The following FAM193B variants were observed in gnomAD, a reference collection of about 807,000 sequenced individuals.
FAM193B encodes the protein protein FAM193B.
FAM193B carries 27 observed loss-of-function variants against 70.7 expected under a neutral mutation model. That is an observed-to-expected ratio of 0.38 (90% CI 0.28 to 0.53). FAM193B has a LOEUF of 0.53. Among genes scored for constraint, FAM193B ranks in the 20% least tolerant of loss-of-function variants. The probability of loss-of-function intolerance (pLI) is 0.81; values close to 1 mark genes in which losing one functional copy is unlikely to be tolerated. For synonymous variants in FAM193B, 448 were observed against 436.0 expected (o/e 1.03, Z -0.34); for missense variants, 1,022 against 1,072.5 (o/e 0.95, Z 0.66).
intron 4 of FAM193B, among the ~76,000 whole-genome samples, chr5:177,535,062 C>G (rs1764015446): frequency 6.6e-6 from 1 of 152,180 alleles, no homozygotes; most frequent in Non-Finnish European, 1.5e-5. Context: ...CAAAAAACAC[C>G]TAAACAGCCT....
intron 5 of FAM193B, among the ~76,000 whole-genome samples, chr5:177,530,296 G>A (rs550227935): frequency 6.6e-6 from 1 of 152,310 alleles, no homozygotes; most frequent in East Asian, 1.9e-4. Context: ...CCACTTAGAT[G>A]TCTCACGGGA....
intron 1 of FAM193B, among the ~76,000 whole-genome samples, chr5:177,550,135 C>T (rs1321040184): frequency 6.6e-6 from 1 of 151,902 alleles, no homozygotes; most frequent in Non-Finnish European, 1.5e-5. Flanking sequence ...GGCAACATAG[C>T]AAGATCCTAT....
intron 1 of FAM193B, among the ~76,000 whole-genome samples, chr5:177,550,185 A>C (rs569405979): frequency 6.6e-6 from 1 of 152,252 alleles, no homozygotes; most frequent in East Asian, 1.9e-4. Context: ...TAAGTGGGTA[A>C]GTCTTCATTT....
intron 3 of FAM193B, among the ~76,000 whole-genome samples, chr5:177,537,660 G>A (rs1325322955): frequency 1.3e-5 from 2 of 152,198 alleles, no homozygotes; most frequent in African/African-American, 2.4e-5. Flanking sequence ...AGAGGCAAAC[G>A]TTTTTCTATT....
intron 4 of FAM193B, among the ~76,000 whole-genome samples, chr5:177,533,588 G>A (rs1485688175): frequency 6.6e-6 from 1 of 152,186 alleles, no homozygotes; most frequent in Non-Finnish European, 1.5e-5. Context: ...TTACAGGCGT[G>A]AGCCACTGCG....
chr5:177,548,743 T>C (rs1765790764), intron 1 of FAM193B, among the ~76,000 whole-genome samples: 1 of 152,180 alleles, frequency 6.6e-6, no homozygotes, highest in Non-Finnish European at 1.5e-5. Flanking sequence ...ATCACAGCTG[T>C]CTCTCCCACT....
intron 1 of FAM193B, chr5:177,553,994 G>C (rs2252447): frequency 6.3e-6 from 8 of 1,277,686 alleles, no homozygotes; most frequent in South Asian, 1.6e-5. Flanking sequence ...GTGTACGGCC[G>C]GAACGCCCGG....
Position 177,524,879 on chromosome 5 carries a change from C to T in FAM193B, c.1602G>A (p.Leu534=). 6.6e-7 allele frequency: 1 copy of T among 1,510,944 alleles called. No homozygotes were observed. Among genetic ancestry groups the T allele is most frequent in the Non-Finnish European group, 8.8e-7 (1 of 1,131,486 alleles). 93.6% of individuals were successfully genotyped at this position (1,510,944 alleles called of 1,614,324 possible). A position where few individuals can be genotyped will look rare whatever the true frequency, so the allele number is the denominator to read the frequency against. ...GAGGGGAGCCCAAAGTCAAAGGGGA[C>T]AGGTCAAGGTTGATGTCAGGCTGCT... The part of the protein sequence containing the change: ...SEQQPDINLD[L]SPLTLGSPQN... Residue 534 remains leucine, a synonymous_variant, in exon 6 of 9, where the codon CTG becomes CTA. Coordinates refer to ENST00000514747, the MANE Select transcript of FAM193B (RefSeq NM_001190946.3).
At chr5:177,521,256 A>G (rs1761688517) in intron 8 of FAM193B, among the ~76,000 whole-genome samples, 1 of 152,162 alleles carries the variant, frequency 6.6e-6, no homozygotes, top group South Asian at 2.1e-4. Flanking sequence ...TCTCTTCATC[A>G]ATAGGGTTCC....
At chr5:177,547,596 C>T (rs1765622229) in intron 1 of FAM193B, among the ~76,000 whole-genome samples, 1 of 152,090 alleles carries the variant, frequency 6.6e-6, no homozygotes, top group Admixed American at 6.6e-5. Flanking sequence ...AAATTTATTT[C>T]TTGAAGCAAA....
chr5:177,525,467 A>T, intron 5 of FAM193B: 1 of 369,218 alleles, frequency 2.7e-6, no homozygotes, highest in Non-Finnish European at 4.8e-6. Context: ...TCAGTGGACT[A>T]ATCTGCAAAA....
chr5:177,539,808 C>T (rs1168121062), intron 1 of FAM193B, among the ~76,000 whole-genome samples: 3 of 152,120 alleles, frequency 2.0e-5, no homozygotes, highest in Non-Finnish European at 2.9e-5. Context: ...CATTCTAATT[C>T]CTGCCTGAAC....
chr5:177,549,187 CTTT>C lies in FAM193B; in HGVS notation c.210+5059_210+5061del, dbSNP rs141797022. Among the ~76,000 whole-genome samples the C allele has an allele frequency of 2.3e-3, 214 of 93,006 alleles. 1 individual carries two copies. Among genetic ancestry groups the C allele is most frequent in the South Asian group, 3.3e-3 (9 of 2,698 alleles). 61.0% of individuals were successfully genotyped at this position (93,006 alleles called of 152,430 possible). A position where few individuals can be genotyped will look rare whatever the true frequency, so the allele number is the denominator to read the frequency against. The stretch of plus-strand genomic sequence containing the variant: ...ACCATGTAAGACTGGATTGTCTTTT[CTTT>C]TTTTTTTTTTTTTTTTTTTGAGAAA... On this transcript the variant is annotated intron_variant, in intron 1 of 8. Transcript: ENST00000514747.
rs766673732 is a variant in FAM193B, at chr5:177,522,046, T to C, written c.2398A>G (p.Thr800Ala). 6.2e-7 allele frequency: 1 copy of C among 1,613,946 alleles called. No individual in the cohort carries two copies. Among genetic ancestry groups the C allele is most frequent in the Admixed American group, 1.7e-5 (1 of 60,028 alleles). The change falls in exon 8 of 9, where the codon ACT becomes GCT. Residue 800 changes from threonine to alanine, a missense_variant. Coordinates refer to ENST00000514747, the MANE Select transcript of FAM193B (RefSeq NM_001190946.3). The stretch of plus-strand genomic sequence containing the variant: ...CAGTTCACAGCAACTTTCTGACGAG[T>C]CTGCTTTGCAGAATCCAAACAGAAC... ...KRFCLDSAKQTRQKVAVNWTN... is the reference protein window; with the variant it reads ...KRFCLDSAKQARQKVAVNWTN...
chr5:177,541,968 A>C (rs980030453), intron 1 of FAM193B, among the ~76,000 whole-genome samples: 1 of 152,242 alleles, frequency 6.6e-6, no homozygotes, highest in Non-Finnish European at 1.5e-5. Flanking sequence ...ATGACGAGGC[A>C]AAAAGTCTAT....
rs1316812796 is a variant in FAM193B, at chr5:177,532,433, G to T, written c.1275+10C>A. On this transcript the variant is annotated intron_variant, in intron 5 of 8. Coordinates refer to ENST00000514747, the MANE Select transcript of FAM193B (RefSeq NM_001190946.3). This position sits in a 1 kb window ranked among gnomAD's most constrained non-coding sequence, Gnocchi z 4.9. ...CCCCAGCCCTCTCTAGCCTGGGCAG[G>T]CTCACTCACCGCATTGTGGCCGAAG... is the stretch of plus-strand genomic sequence containing the variant. The T allele has an allele frequency of 1.1e-5, 18 of 1,606,582 alleles. No individual in the cohort carries two copies. Among genetic ancestry groups the T allele is most frequent in the Non-Finnish European group, 1.5e-5 (18 of 1,177,202 alleles).
chr5:177,544,211 A>C (rs1021083762), intron 1 of FAM193B, among the ~76,000 whole-genome samples: 9 of 152,212 alleles, frequency 5.9e-5, no homozygotes, highest in Non-Finnish European at 1.3e-4. Flanking sequence ...AGAGCAGTGA[A>C]GGGGCCAAGT....
intron 1 of FAM193B, among the ~76,000 whole-genome samples, chr5:177,544,633 TGAA>T (rs775388708): frequency 3.3e-5 from 5 of 152,200 alleles, no homozygotes; most frequent in Admixed American, 6.5e-5. Flanking sequence ...TCCAAATACT[TGAA>T]GACTTTTCTG....
At chr5:177,545,622 T>C (rs547402132) in intron 1 of FAM193B, among the ~76,000 whole-genome samples, 1 of 148,196 alleles carries the variant, frequency 6.7e-6, no homozygotes. Flanking sequence ...GATTGCACCA[T>C]TGTACTCCAA....
Sources: gnomAD v4.1 joint callset for allele counts (sites outside exome capture counted in the v4.1 genomes callset) on GRCh38, gnomAD v4.1.1 for gene constraint, Gnocchi (gnomAD v3.1) non-coding constraint, MANE v1.5 for transcripts, NCBI Gene and HGNC (gene_info 2026-07-23, HGNC 2026-07-21) for gene names.